OPTN: variants seen among roughly 807,000 people sequenced by gnomAD.
OPTN encodes the protein E3-14.7K-interacting protein.
A neutral mutation model predicts 70.4 loss-of-function variants in OPTN; 54 were observed. That is an observed-to-expected ratio of 0.77 (90% CI 0.62 to 0.96). The LOEUF is 0.96. OPTN is among the 40% of genes least tolerant of loss of function. The pLI, the probability that OPTN is intolerant of heterozygous loss-of-function variation, is 0.00. For missense variants in OPTN, 624 were observed against 673.2 expected (o/e 0.93, Z 0.81); for synonymous variants, 256 against 248.5 (o/e 1.03, Z -0.28).
chr10:13,115,546 T>TATAATA (rs1250610050), intron 5 of OPTN, among the ~76,000 whole-genome samples: 1 of 118,970 alleles, frequency 8.4e-6, no homozygotes, highest in Non-Finnish European at 1.7e-5. Context: ...ATAGAATATA[T>TATAATA]TATACATTAT....
In OPTN at chr10:13,132,098, A is replaced by G. The variant is rs267606929; in HGVS notation, c.1433A>G (p.Glu478Gly). The G allele has an allele frequency of 1.2e-6, 2 of 1,613,394 alleles. No homozygotes were observed. Among genetic ancestry groups the G allele is most frequent in the East Asian group, 4.5e-5 (2 of 44,856 alleles). The change falls in exon 13 of 15, where the codon GAA becomes GGA. Residue 478 changes from glutamate (E) to glycine (G), a missense_variant. Coordinates refer to ENST00000378747, the MANE Select transcript of OPTN (RefSeq NM_001008212.2). ...MEVYCSDFHA[E>G]RAAREKIHEE... ...GTTTACTGTTCTGATTTTCATGCTG[A>G]AAGAGCAGCGAGAGAGAAAATTCAT...
intron 2 of OPTN, 173 bp from the exon 3 acceptor site, chr10:13,108,939 C>T: frequency 1.4e-6 from 1 of 691,066 alleles, no homozygotes; most frequent in Non-Finnish European, 2.6e-6. Context: ...TCTGAAGCTA[C>T]ATATACCTTT....
rs1832937750 is a variant in OPTN at position 13,109,188 on chromosome 10, T to C, written c.66T>C (p.Asn22=). ...ACAGCCCCAGTGAAAGCACAGGAAA[T>C]GGACCCCCCCACCTGGCCCACCCAA... ...KEDSPSESTG[N]GPPHLAHPNL... The change falls in exon 3 of 15, where the codon AAT becomes AAC. Residue 22 remains asparagine (N), a synonymous_variant. Coordinates refer to ENST00000378747, the MANE Select transcript of OPTN (RefSeq NM_001008212.2). 2 of 1,613,850 alleles carry C rather than the reference T, an allele frequency of 1.2e-6. No individual in the cohort carries two copies. Among genetic ancestry groups the C allele is most frequent in the Non-Finnish European group, 1.7e-6 (2 of 1,179,958 alleles).
chr10:13,114,894 T>C (rs1237654165), intron 5 of OPTN, among the ~76,000 whole-genome samples: 1 of 108,522 alleles, frequency 9.2e-6, no homozygotes, highest in African/African-American at 3.7e-5. Flanking sequence ...TACACTTACA[T>C]ATGTATCTGT....
At chr10:13,109,363 T>C in intron 3 of OPTN, 75 bp downstream of exon 3, 1 of 1,478,966 alleles carries the variant, frequency 6.8e-7, no homozygotes, top group South Asian at 1.1e-5. Context: ...CACTAAGGCT[T>C]GGTGGTGAGC....
At chr10:13,116,562 T>C (rs1833213938) in intron 6 of OPTN, 1 of 604,102 alleles carries the variant, frequency 1.7e-6, no homozygotes, top group East Asian at 2.9e-5. Flanking sequence ...CACTGACTGC[T>C]CTGTTCTAGT....
chr10:13,109,626 G>A, intron 3 of OPTN: 1 of 241,182 alleles, frequency 4.1e-6, no homozygotes, highest in Non-Finnish European at 7.9e-6. Flanking sequence ...AGGAGTTCAA[G>A]ACCAGCCTGG....
intron 1 of OPTN, among the ~76,000 whole-genome samples, chr10:13,105,908 GAA>G (rs775612836): frequency 1.5e-5 from 2 of 133,924 alleles, no homozygotes; most frequent in African/African-American, 2.7e-5. Context: ...GACTCTGTCT[GAA>G]AAAAAAAAAA....
At chr10:13,112,885 T>C (rs1197737775) in intron 5 of OPTN, among the ~76,000 whole-genome samples, 3 of 152,046 alleles carry the variant, frequency 2.0e-5, no homozygotes, top group Admixed American at 1.3e-4. Flanking sequence ...CATCATGTCC[T>C]GGCAAATTGA....
rs904911423 is a variant in OPTN at position 13,108,862 on chromosome 10, A to G, written c.-11-250A>G. On this transcript the variant is annotated intron_variant, in intron 2 of 14. Transcript: ENST00000378747. Reference sequence around the variant, plus strand: ...CGCCCGGCCCTCATTGTACCCTTTTATACACCCATACACACACACGCACAC... The same window carrying G: ...CGCCCGGCCCTCATTGTACCCTTTTGTACACCCATACACACACACGCACAC... 1.9e-5 allele frequency: 9 copies of G among 464,590 alleles called. No homozygotes were observed. The East Asian group carries it at 3.7e-4, about 19-fold the overall frequency. 28.8% of individuals were successfully genotyped at this position (464,590 alleles called of 1,614,324 possible).
chr10:13,119,432 C>T (rs944074305), intron 7 of OPTN, among the ~76,000 whole-genome samples: 1 of 152,172 alleles, frequency 6.6e-6, no homozygotes, highest in Non-Finnish European at 1.5e-5. Flanking sequence ...ATATATACAA[C>T]ATTTTGTTTA....
Position 13,124,094 on chromosome 10 carries a change from A to G in OPTN, c.982A>G (p.Lys328Glu), listed in dbSNP as rs1207980161. Residue 328 changes from lysine (K) to glutamate (E), a missense_variant, in exon 9 of 15, where the codon AAG (lysine) becomes GAG (glutamate). Physicochemically the swap from Lys to Glu is moderately conservative, Grantham distance 56. Transcript: ENST00000378747. ...TKLSEAELMKKRLQEKCQALE... is the reference protein window; with the variant it reads ...TKLSEAELMKERLQEKCQALE... ...ACTCAGCGAAGCTGAGCTAATGAAG[A>G]AGAGACTTCAAGAAAAGTAAGAATG... The G allele has an allele frequency of 6.2e-7, 1 of 1,604,022 alleles. No individual in the cohort carries two copies. The highest frequency in any genetic ancestry group is 1.7e-5 in the Admixed American group (1 of 59,742).
At chr10:13,104,934 G>T (rs991761961) in intron 1 of OPTN, 2 of 268,810 alleles carry the variant, frequency 7.4e-6, no homozygotes, top group African/African-American at 4.6e-5. Context: ...GCTGCTGGTG[G>T]TAACTACGCC....
intron 1 of OPTN, among the ~76,000 whole-genome samples, chr10:13,106,698 G>GCCC (rs1344736690): frequency 6.6e-6 from 1 of 152,226 alleles, no homozygotes; most frequent in African/African-American, 2.4e-5. Context: ...TCTACAGAAA[G>GCCC]CCCAAGGTAT....
chr10:13,114,121 G>T (rs1833070190), intron 5 of OPTN, among the ~76,000 whole-genome samples: 1 of 151,910 alleles, frequency 6.6e-6, no homozygotes. Context: ...AGAGAAAAAT[G>T]TACATTGTAG....
intron 3 of OPTN, 114 bp downstream of exon 3, chr10:13,109,402 G>T (rs975788678): frequency 1.9e-6 from 2 of 1,075,098 alleles, no homozygotes; most frequent in Non-Finnish European, 2.8e-6. Flanking sequence ...ATAGGTGGTA[G>T]CTGGTGGGGA....
intron 7 of OPTN, 70 bp downstream of exon 7, chr10:13,119,110 A>G: frequency 1.5e-6 from 2 of 1,369,148 alleles, no homozygotes; most frequent in East Asian, 2.4e-5. Context: ...TTAAGATACC[A>G]TACAGTTCAC....
At chr10:13,118,225 C>A (rs540146320) in intron 6 of OPTN, among the ~76,000 whole-genome samples, 5 of 152,304 alleles carry the variant, frequency 3.3e-5, no homozygotes, top group African/African-American at 9.6e-5. Flanking sequence ...ATTAGCTATG[C>A]GAACCTGAGT....
At chr10:13,136,128 A>C (rs1167259286) in intron 14 of OPTN, among the ~76,000 whole-genome samples, 2 of 152,168 alleles carry the variant, frequency 1.3e-5, no homozygotes, top group Admixed American at 1.3e-4. Context: ...TAGAGGCTGC[A>C]GTGAGCTATG....
Sources: gnomAD v4.1 joint callset for allele counts (sites outside exome capture counted in the v4.1 genomes callset) on GRCh38, gnomAD v4.1.1 for gene constraint, MANE v1.5 for transcripts, NCBI Gene and HGNC (gene_info 2026-07-23, HGNC 2026-07-21) for gene names.